TYMS: variants seen among roughly 807,000 people sequenced by gnomAD.
TYMS encodes thymidylate synthetase, also known as thymidylate synthase.
Under a neutral mutation model 39.3 loss-of-function variants are expected in TYMS, and 21 were observed. The observed-to-expected ratio is 0.54, with a 90% CI of 0.38 to 0.77. TYMS has a LOEUF of 0.77. Ranked by LOEUF, TYMS falls within the 30% of genes least tolerant of loss-of-function variation. The pLI is 0.00. For synonymous variants in TYMS, 171 were observed against 162.2 expected (o/e 1.05, Z -0.41); for missense variants, 273 against 406.7 (o/e 0.67, Z 2.83).
intron 1 of TYMS, 87 bp from the exon 2 acceptor site, chr18:659,554 G>T: frequency 8.7e-7 from 1 of 1,155,694 alleles, no homozygotes; most frequent in Non-Finnish European, 1.3e-6. Context: ...AGGGCCTCAC[G>T]TCCCAGGGCA....
Position 660,462 on chromosome 18 carries a change from AAT to A in TYMS, c.279+749_279+750del, listed in dbSNP as rs2074745890. ...GGGGGACAGCAGGTAGTAAAAGTGA[AAT>A]GTGCTGTAAGCTTTATGAGGGCAGA... On this transcript the variant is annotated intron_variant, in intron 2 of 6. Transcript: ENST00000323274. This position sits in a 1 kb window ranked among gnomAD's most constrained non-coding sequence, Gnocchi z 4.6. Among the ~76,000 whole-genome samples the A allele has an allele frequency of 6.6e-6, 1 of 152,164 alleles. No individual in the cohort carries two copies. Among genetic ancestry groups the A allele is most frequent in the Non-Finnish European group, 1.5e-5 (1 of 68,028 alleles).
intron 3 of TYMS, chr18:667,587 GGT>G (rs2074881068): frequency 9.8e-6 from 1 of 102,096 alleles, no homozygotes; most frequent in Non-Finnish European, 1.9e-5. Context: ...TGATGGTGAT[GGT>G]GATGGTGATG....
intron 3 of TYMS, among the ~76,000 whole-genome samples, chr18:667,191 A>AGATGGT (rs1310449953): frequency 2.5e-5 from 1 of 40,012 alleles, no homozygotes. Context: ...ATGGTGATGG[A>AGATGGT]GATGGTGATG....
chr18:660,802 G>C lies in TYMS; in HGVS notation c.279+1088G>C, dbSNP rs920835241. On this transcript the variant is annotated intron_variant, in intron 2 of 6. Coordinates refer to ENST00000323274, the MANE Select transcript of TYMS (RefSeq NM_001071.4). The surrounding 1 kb of genome is among the most constrained non-coding windows in gnomAD (Gnocchi z 4.6). The stretch of plus-strand genomic sequence containing the variant: ...CTTTTTGGAAGGTGGCTGAGGTCTG[G>C]GCTCAGGTCTGGGCCATACTAGAAG... Among the ~76,000 whole-genome samples the C allele has an allele frequency of 6.6e-6, 1 of 152,128 alleles. No individual in the cohort carries two copies.
intron 6 of TYMS, chr18:672,086 T>A (rs188895651): frequency 6.6e-6 from 1 of 152,370 alleles, no homozygotes; most frequent in Non-Finnish European, 1.5e-5. Context: ...GCCATAAATA[T>A]TTTTTGTTAA....
intron 2 of TYMS, 73 bp from the exon 3 acceptor site, chr18:662,073 T>C: frequency 6.8e-6 from 10 of 1,466,172 alleles, no homozygotes; most frequent in Non-Finnish European, 8.2e-6. Context: ...TTGTAAGTGG[T>C]GTCTCGGGGG....
intron 6 of TYMS, 69 bp downstream of exon 6, chr18:671,520 C>G (rs2853536): frequency 1.0e-6 from 1 of 989,900 alleles, no homozygotes; most frequent in African/African-American, 1.6e-5. Flanking sequence ...GTGGAACAGG[C>G]ATCTGCTCAA....
chr18:659,299 T>C (rs2074731469), intron 1 of TYMS, among the ~76,000 whole-genome samples: 1 of 152,192 alleles, frequency 6.6e-6, no homozygotes, highest in African/African-American at 2.4e-5. Flanking sequence ...ATGCTTGGTG[T>C]TGTCTTCACA....
intron 3 of TYMS, chr18:667,801 T>C (rs117960403): frequency 6.6e-5 from 10 of 152,274 alleles, no homozygotes; most frequent in Non-Finnish European, 1.0e-4. Context: ...AGGGTGTCCG[T>C]AGGATGTGAG....
Position 658,320 on chromosome 18 carries a change from C to G in TYMS, c.205+373C>G. 2 of 1,370,826 alleles carry G rather than the reference C, an allele frequency of 1.5e-6. No individual in the cohort carries two copies. The highest frequency in any genetic ancestry group is 1.9e-6 in the Non-Finnish European group (2 of 1,033,256). 84.9% of individuals were successfully genotyped at this position (1,370,826 alleles called of 1,614,324 possible). On this transcript the variant is annotated intron_variant, in intron 1 of 6. Transcript: ENST00000323274. The surrounding 1 kb of genome is among the most constrained non-coding windows in gnomAD (Gnocchi z 4.5). ...CTTGACCGCGCGCCGGTCTCAAAGTCCTGGCTTTGGCCCCTCCTCCGTTTT... is the reference window on the plus strand; with the variant it reads ...CTTGACCGCGCGCCGGTCTCAAAGTGCTGGCTTTGGCCCCTCCTCCGTTTT...
At chr18:670,604 G>C in intron 4 of TYMS, 88 bp from the exon 5 acceptor site, 6 of 1,436,302 alleles carry the variant, frequency 4.2e-6, no homozygotes, top group Non-Finnish European at 5.7e-6. Context: ...ATATGAGTTG[G>C]CTTCTGTTTC....
rs781582011 is a variant in TYMS at position 658,216 on chromosome 18, A to C, written c.205+269A>C. The C allele has an allele frequency of 2.8e-5, 43 of 1,519,894 alleles. No individual in the cohort carries two copies. The highest frequency in any genetic ancestry group is 3.6e-5 in the Non-Finnish European group (41 of 1,126,820). The allele number at this position is 1,519,894 out of a possible 1,614,324, so 94.2% of individuals were successfully genotyped here. ...CCGCGGCCGGGCTCGCAGTCGCCCC[A>C]GTGATGCCGTGGCCCCCGAGGCGGG... On this transcript the variant is annotated intron_variant, in intron 1 of 6. Coordinates refer to ENST00000323274, the MANE Select transcript of TYMS (RefSeq NM_001071.4). This position sits in a 1 kb window ranked among gnomAD's most constrained non-coding sequence, Gnocchi z 4.5.
In TYMS at chr18:666,939, AGATGGTGATGGT is replaced by A. The variant is rs1301411807; in HGVS notation, c.455-2127_455-2116del. 3.9e-3 allele frequency among the ~76,000 whole-genome samples: 111 copies of A among 28,114 alleles called. 13 individuals are homozygous for A. The highest frequency in any genetic ancestry group is 0.039 in the East Asian group (19 of 492). The allele number at this position is 28,114 out of a possible 152,430, so 18.4% of individuals were successfully genotyped here. ...GTGATGGAGATGGTGATGGTGATGG[AGATGGTGATGGT>A]GATGGAGATGGAGATGGTGATGGAG... On this transcript the variant is annotated intron_variant, in intron 3 of 6. Coordinates refer to ENST00000323274, the MANE Select transcript of TYMS (RefSeq NM_001071.4).
At chr18:659,999 C>A (rs999356790) in intron 2 of TYMS, among the ~76,000 whole-genome samples, 1 of 152,112 alleles carries the variant, frequency 6.6e-6, no homozygotes, top group Non-Finnish European at 1.5e-5. Context: ...GCTCACGAGG[C>A]GGAGGTTGTA....
At chr18:669,366 A>AT (rs68090938) in intron 4 of TYMS, 193 bp downstream of exon 4, 22,595 of 191,056 alleles carry the variant, frequency 0.12, 1,538 homozygotes, top group Non-Finnish European at 0.14. Flanking sequence ...GGCCCAGAGG[A>AT]TTTTTTTTTT....
At position 662,092 on chromosome 18, in the gene TYMS, G is replaced by A. The variant is rs2074762058; in HGVS notation, c.280-54G>A. 3 of 1,535,214 alleles carry A rather than the reference G, an allele frequency of 2.0e-6. No individual in the cohort carries two copies. The African/African-American group carries it at 4.2e-5, about 21-fold the overall frequency. ...AAGTGGTGTCTCGGGGGGATCAACT[G>A]AGATGGCTTAGGATTTACCTGGATG... is the stretch of plus-strand genomic sequence containing the variant. On this transcript the variant is annotated intron_variant, in intron 2 of 6. Transcript: ENST00000323274.
Position 673,008 on chromosome 18 carries a change from A to G in TYMS, c.*11A>G, listed in dbSNP as rs1250927769. ...GAAATGGCTGTTTAGGGTGCTTTCA[A>G]AGGAGCTCGAAGGATATTGTCAGTC... On this transcript the variant is annotated 3_prime_UTR_variant, in exon 7 of 7. Transcript: ENST00000323274. 1 of 1,542,720 alleles carries G rather than the reference A, an allele frequency of 6.5e-7. No individual in the cohort carries two copies. The highest frequency in any genetic ancestry group is 8.9e-7 in the Non-Finnish European group (1 of 1,128,098).
rs1386139292 is a variant in TYMS at position 659,648 on chromosome 18, C to G, written c.213C>G (p.Phe71Leu). The change falls in exon 2 of 7, where the codon TTC becomes TTG. Residue 71 changes from phenylalanine (F) to leucine (L), a missense_variant. Around this residue, in one of 3 missense-constraint regions of TYMS, gnomAD observed 228 missense variants for 326.1 expected, o/e 0.70. Coordinates refer to ENST00000323274, the MANE Select transcript of TYMS (RefSeq NM_001071.4). ...MQARYSLRDEFPLLTTKRVFW... is the reference protein window; with the variant it reads ...MQARYSLRDELPLLTTKRVFW... ...TGGCAAATTGTTTTTCAGATGAATT[C>G]CCTCTGCTGACAACCAAACGTGTGT... 6.2e-7 allele frequency: 1 copy of G among 1,614,074 alleles called. No homozygotes were observed. Among genetic ancestry groups the G allele is most frequent in the Non-Finnish European group, 8.5e-7 (1 of 1,179,898 alleles).
chr18:659,800 G>GCTGC, intron 2 of TYMS, 86 bp downstream of exon 2: 1 of 1,224,880 alleles, frequency 8.2e-7, no homozygotes, highest in Non-Finnish European at 1.2e-6. Context: ...AAGCAGCCAG[G>GCTGC]TGTGGTGGCT....
Sources: gnomAD v4.1 joint callset for allele counts (sites outside exome capture counted in the v4.1 genomes callset) on GRCh38, gnomAD v4.1.1 for gene constraint, gnomAD v4.1.1 regional missense constraint, Gnocchi (gnomAD v3.1) non-coding constraint, MANE v1.5 for transcripts, NCBI Gene and HGNC (gene_info 2026-07-23, HGNC 2026-07-21) for gene names.